The following ZP3 variants were observed in gnomAD, a reference collection of about 807,000 sequenced individuals.
ZP3 encodes zona pellucida glycoprotein 3.
ZP3 carries 21 observed loss-of-function variants against 35.6 expected under a neutral mutation model. The ratio of observed to expected loss-of-function variants is 0.59; its 90% CI spans 0.42 to 0.85. ZP3 has a LOEUF of 0.85. Ranked by LOEUF, ZP3 falls within the 40% of genes least tolerant of loss-of-function variation. The pLI, the probability that ZP3 is intolerant of heterozygous loss-of-function variation, is 0.00. For missense variants in ZP3, 437 were observed against 536.5 expected, an observed-to-expected ratio of 0.81 and a Z score of 1.83; for synonymous variants, 207 against 214.5, an observed-to-expected ratio of 0.96 and a Z score of 0.31.
At chr7:76,420,555 G>A (rs1805481699), upstream of ZP3, among the ~76,000 whole-genome samples, 1 of 152,098 alleles carries the variant, frequency 6.6e-6, no homozygotes, top group African/African-American at 2.4e-5. Context: ...TGCCAATACA[G>A]TTTTGTTAAT....
chr7:76,428,032 T>C (rs1278955264), intron 1 of ZP3, among the ~76,000 whole-genome samples: 1 of 151,682 alleles, frequency 6.6e-6, no homozygotes, highest in African/African-American at 2.4e-5. Flanking sequence ...GAGCTTAGAA[T>C]AGGTGGTTGG....
At position 76,433,398 on chromosome 7, in the gene ZP3, A is replaced by G. The variant is rs1400546114; in HGVS notation, c.536-72A>G. 5 of 1,518,028 alleles carry G rather than the reference A, an allele frequency of 3.3e-6. No homozygotes were observed. In the East Asian group the frequency reaches 9.2e-5, roughly 28 times the overall value. The allele number at this position is 1,518,028 out of a possible 1,614,324, so 94.0% of individuals were successfully genotyped here. On this transcript the variant is annotated intron_variant, in intron 3 of 7. Coordinates refer to ENST00000394857, the MANE Select transcript of ZP3 (RefSeq NM_001110354.2). ...TCGAACTCCTGACCTCAGGTGATCC[A>G]CCTGCCTCAGCCTCCCAAGGTGCTG...
intron 1 of ZP3, among the ~76,000 whole-genome samples, chr7:76,414,356 C>G (rs1805315544): frequency 6.6e-6 from 1 of 152,050 alleles, no homozygotes; most frequent in Non-Finnish European, 1.5e-5. Flanking sequence ...GTCACCACCT[C>G]AAGGTGTGAT....
chr7:76,435,539 G>A (rs1375207910), intron 5 of ZP3, among the ~76,000 whole-genome samples: 2 of 152,250 alleles, frequency 1.3e-5, no homozygotes, highest in African/African-American at 4.8e-5. Flanking sequence ...TTAAAGTAGG[G>A]GTTTCCAGTG....
At chr7:76,401,288 T>C (rs923992605) in intron 1 of ZP3, among the ~76,000 whole-genome samples, 1 of 152,180 alleles carries the variant, frequency 6.6e-6, no homozygotes, top group South Asian at 2.1e-4. Context: ...AATCTGTAGA[T>C]CTGCACATCT....
At chr7:76,397,981 G>T (rs1227361590) in intron 1 of ZP3, 2 of 818,182 alleles carry the variant, frequency 2.4e-6, no homozygotes, top group African/African-American at 1.8e-5. Context: ...GTCCAGACTG[G>T]GGGTAGCTTG....
chr7:76,426,650 C>T (rs1020604893), intron 1 of ZP3, among the ~76,000 whole-genome samples: 1 of 151,946 alleles, frequency 6.6e-6, no homozygotes, highest in Admixed American at 6.6e-5. Flanking sequence ...GCCTGGCTCC[C>T]CCCCCTTCTG....
chr7:76,424,362 C>T (rs1030911099), upstream of ZP3, among the ~76,000 whole-genome samples: 4 of 152,200 alleles, frequency 2.6e-5, no homozygotes, highest in Non-Finnish European at 5.9e-5. Flanking sequence ...GGCGCGGTGG[C>T]TCACACCTGT....
intron 1 of ZP3, among the ~76,000 whole-genome samples, chr7:76,399,857 C>T (rs958685866): frequency 6.6e-6 from 1 of 151,908 alleles, no homozygotes; most frequent in Non-Finnish European, 1.5e-5. Flanking sequence ...AGAGGGGAAC[C>T]AGTGGGGTGA....
In ZP3 at chr7:76,429,523, C is replaced by G. The variant is rs750215338; in HGVS notation, c.321C>G (p.Asp107Glu). 3 of 1,613,982 alleles carry G rather than the reference C, an allele frequency of 1.9e-6. No homozygotes were observed. Among genetic ancestry groups the G allele is most frequent in the Non-Finnish European group, 1.7e-6 (2 of 1,179,912 alleles). The stretch of plus-strand genomic sequence containing the variant: ...TCTCACCTTTCCTCCAGGTAACTGA[C>G]GATGCCCTGGTGTACAGCACCTTCC... ...HECGNSMQVT[D>E]DALVYSTFLL... Residue 107 changes from aspartate to glutamate, a missense_variant, in exon 2 of 8, where the codon GAC becomes GAG. Asp to Glu is a conservative substitution (Grantham distance 45). Coordinates refer to ENST00000394857, the MANE Select transcript of ZP3 (RefSeq NM_001110354.2).
Position 76,429,600 on chromosome 7 carries a change from G to A in ZP3, c.398G>A (p.Arg133His), listed in dbSNP as rs138711194. 1.4e-5 allele frequency: 23 copies of A among 1,614,066 alleles called. No individual in the cohort carries two copies. The highest frequency in any genetic ancestry group is 8.3e-5 in the Admixed American group (5 of 60,006). The change falls in exon 2 of 8, where the codon CGC (arginine) becomes CAC (histidine). Residue 133 changes from arginine to histidine, a missense_variant. Coordinates refer to ENST00000394857, the MANE Select transcript of ZP3 (RefSeq NM_001110354.2). ...AACCTGTCCATCGTGAGGACTAACCGCGCAGAGATTCCCATCGAGTGCCGC... is the reference window on the plus strand; with the variant it reads ...AACCTGTCCATCGTGAGGACTAACCACGCAGAGATTCCCATCGAGTGCCGC... ...VGNLSIVRTNRAEIPIECRYP... is the reference protein window; with the variant it reads ...VGNLSIVRTNHAEIPIECRYP...
Position 76,441,831 on chromosome 7 carries a change from T to C in ZP3, c.1061-11T>C. ...TAAGATAACCCTTGGTTGTGTGTTCTCCTTTCACAGTGACAGAAGAAGCAG... is the reference window on the plus strand; with the variant it reads ...TAAGATAACCCTTGGTTGTGTGTTCCCCTTTCACAGTGACAGAAGAAGCAG... On this transcript the variant is annotated splice_polypyrimidine_tract_variant and intron_variant, in intron 7 of 7. Transcript: ENST00000394857. The C allele has an allele frequency of 6.2e-7, 1 of 1,613,830 alleles. No individual in the cohort carries two copies. The highest frequency in any genetic ancestry group is 8.5e-7 in the Non-Finnish European group (1 of 1,179,802).
At chr7:76,413,275 G>C (rs1805292310) in intron 1 of ZP3, among the ~76,000 whole-genome samples, 1 of 151,140 alleles carries the variant, frequency 6.6e-6, no homozygotes, top group Non-Finnish European at 1.5e-5. Context: ...CTTTTTTTGA[G>C]ACAGGGTCTT....
intron 1 of ZP3, among the ~76,000 whole-genome samples, chr7:76,404,919 C>T (rs953895690): frequency 1.3e-5 from 2 of 150,790 alleles, no homozygotes; most frequent in Non-Finnish European, 3.0e-5. Flanking sequence ...AAAATACAAA[C>T]ATTTGCCAGG....
At chr7:76,397,600 C>T (rs906017712) in exon 1 of ZP3, 4 of 1,608,966 alleles carry the variant, frequency 2.5e-6, no homozygotes, top group Non-Finnish European at 3.4e-6. Flanking sequence ...CCAGGCGGGG[C>T]TCGCCGCCTT....
At chr7:76,437,742 A>C (rs1287928994) in intron 5 of ZP3, among the ~76,000 whole-genome samples, 1 of 147,708 alleles carries the variant, frequency 6.8e-6, no homozygotes, top group Non-Finnish European at 1.5e-5. Context: ...CAGGTGATCC[A>C]CTGACCTCAG....
intron 7 of ZP3, among the ~76,000 whole-genome samples, chr7:76,441,015 T>TA (rs1453411340): frequency 6.6e-6 from 1 of 151,096 alleles, no homozygotes; most frequent in Non-Finnish European, 1.5e-5. Context: ...CTACTAAAAA[T>TA]AAAAAATTAG....
chr7:76,424,040 G>T (rs941703692), upstream of ZP3, among the ~76,000 whole-genome samples: 1 of 152,008 alleles, frequency 6.6e-6, no homozygotes, highest in Non-Finnish European at 1.5e-5. Flanking sequence ...CATAAAATAA[G>T]GCAGAGACCC....
chr7:76,436,873 T>A (rs1806031917), intron 5 of ZP3, among the ~76,000 whole-genome samples: 1 of 152,214 alleles, frequency 6.6e-6, no homozygotes, highest in African/African-American at 2.4e-5. Flanking sequence ...GGTTTCTCAA[T>A]CTCTGGGGGT....
Sources: allele counts gnomAD v4.1 joint callset (sites outside exome capture counted in the v4.1 genomes callset), GRCh38; gene constraint gnomAD v4.1.1; transcripts MANE v1.5; gene names NCBI Gene and HGNC (gene_info 2026-07-23, HGNC 2026-07-21).